The following TRAT1 variants were observed in gnomAD, a reference collection of about 807,000 sequenced individuals.
TRAT1 encodes the protein T cell receptor associated transmembrane adaptor 1.
A neutral mutation model predicts 20.0 loss-of-function variants in TRAT1; 20 were observed. That is an observed-to-expected ratio of 1.00 (90% CI 0.70 to 1.45). The LOEUF (loss-of-function observed/expected upper bound fraction) is 1.45. Ranked by LOEUF, TRAT1 falls within the 40% of genes most tolerant of loss-of-function variation. The pLI, the probability that TRAT1 is intolerant of heterozygous loss-of-function variation, is 0.00. For synonymous variants in TRAT1, 77 were observed against 74.2 expected (o/e 1.04, Z -0.20); for missense variants, 237 against 224.1 (o/e 1.06, Z -0.37).
At chr3:108,851,611 G>A (rs1384565631) in intron 5 of TRAT1, among the ~76,000 whole-genome samples, 2 of 136,860 alleles carry the variant, frequency 1.5e-5, no homozygotes, top group African/African-American at 5.5e-5. Context: ...ACCAATATGT[G>A]AAAGTCCCTC....
At chr3:108,836,412 C>A (rs749766611) in intron 2 of TRAT1, among the ~76,000 whole-genome samples, 1 of 152,124 alleles carries the variant, frequency 6.6e-6, no homozygotes, top group African/African-American at 2.4e-5. Flanking sequence ...AATGTTTTTG[C>A]TGATTTTTTT....
At chr3:108,847,380 A>G (rs1945957095) in intron 4 of TRAT1, 1 of 352,800 alleles carries the variant, frequency 2.8e-6, no homozygotes, top group African/African-American at 2.1e-5. Context: ...TAGTAATGAG[A>G]ATACAGGAAG....
chr3:108,833,904 C>T (rs961821789), intron 2 of TRAT1, among the ~76,000 whole-genome samples: 5 of 151,898 alleles, frequency 3.3e-5, no homozygotes, highest in Admixed American at 6.6e-5. Flanking sequence ...ACCTAGTGGC[C>T]GTGTTGTTTC....
chr3:108,835,569 G>C (rs1321454770), intron 2 of TRAT1, among the ~76,000 whole-genome samples: 4 of 152,114 alleles, frequency 2.6e-5, no homozygotes, highest in African/African-American at 9.7e-5. Context: ...TTCTAGGGAG[G>C]ACTGCAAAAC....
intron 2 of TRAT1, among the ~76,000 whole-genome samples, chr3:108,837,449 T>C (rs1945850492): frequency 6.6e-6 from 1 of 152,256 alleles, no homozygotes; most frequent in African/African-American, 2.4e-5. Context: ...CTAATGTGTC[T>C]TTAACAGTTA....
chr3:108,835,213 C>A, intron 2 of TRAT1, among the ~76,000 whole-genome samples: 1 of 152,164 alleles, frequency 6.6e-6, no homozygotes, highest in African/African-American at 2.4e-5. Context: ...AGAGGAAAAA[C>A]ATAAAAGCAA....
In TRAT1 at chr3:108,843,497, T is replaced by A. The variant is rs182265068; in HGVS notation, c.153-3571T>A. Among the ~76,000 whole-genome samples, 23 of 152,138 alleles carry A rather than the reference T, an allele frequency of 1.5e-4. No individual in the cohort carries two copies. In the Middle Eastern group the frequency reaches 0.017, roughly 112 times the overall value. On this transcript the variant is annotated intron_variant, in intron 3 of 5. Coordinates refer to ENST00000295756, the MANE Select transcript of TRAT1 (RefSeq NM_016388.4). ...GTGAGCCAAGATCACACCACTGCACTCCAACATGGTGACAGAGCAAGACTC... is the reference window on the plus strand; with the variant it reads ...GTGAGCCAAGATCACACCACTGCACACCAACATGGTGACAGAGCAAGACTC...
Position 108,830,673 on chromosome 3 carries a change from T to C in TRAT1, c.11T>C (p.Ile4Thr). MSG[I>T]SGCPFFLWGL... ...GTATGTTTATTTTAATTTCCAGGAA[T>C]CTCTGGGTGCCCCTTTTTCCTCTGG... is the stretch of plus-strand genomic sequence containing the variant. The change falls in exon 2 of 6, where the codon ATC (isoleucine) becomes ACC (threonine). Residue 4 changes from isoleucine to threonine, a missense_variant. Coordinates refer to ENST00000295756, the MANE Select transcript of TRAT1 (RefSeq NM_016388.4). 6.2e-7 allele frequency: 1 copy of C among 1,606,372 alleles called. No homozygotes were observed. Among genetic ancestry groups the C allele is most frequent in the Non-Finnish European group, 8.5e-7 (1 of 1,172,978 alleles).
intron 2 of TRAT1, among the ~76,000 whole-genome samples, chr3:108,838,591 G>T (rs141606488): frequency 6.6e-6 from 1 of 152,146 alleles, no homozygotes; most frequent in Non-Finnish European, 1.5e-5. Context: ...AGGAAGGAAG[G>T]TTCCAGCTCT....
chr3:108,849,628 G>T (rs1030757220), intron 5 of TRAT1, among the ~76,000 whole-genome samples: 1 of 152,198 alleles, frequency 6.6e-6, no homozygotes, highest in African/African-American at 2.4e-5. Context: ...GGGGTAGGGA[G>T]AGGGAGACCT....
intron 3 of TRAT1, among the ~76,000 whole-genome samples, chr3:108,840,516 C>T (rs534937180): frequency 7.0e-6 from 1 of 142,232 alleles, no homozygotes; most frequent in South Asian, 2.3e-4. Flanking sequence ...AGCAATCAGG[C>T]TTTTAGCTGT....
chr3:108,850,014 A>G (rs921241074), intron 5 of TRAT1, among the ~76,000 whole-genome samples: 1 of 152,152 alleles, frequency 6.6e-6, no homozygotes, highest in African/African-American at 2.4e-5. Context: ...TAGAGCCAGC[A>G]TTTCCTAAGC....
intron 1 of TRAT1, among the ~76,000 whole-genome samples, chr3:108,829,785 C>T (rs1597075): frequency 1 from 151,983 of 152,334 alleles, 75,817 homozygotes; most frequent in Non-Finnish European, 1. Context: ...TACTGTGCTG[C>T]CCATTGTAGA....
intron 2 of TRAT1, among the ~76,000 whole-genome samples, chr3:108,838,293 T>C (rs1945856534): frequency 6.6e-6 from 1 of 152,046 alleles, no homozygotes; most frequent in Non-Finnish European, 1.5e-5. Context: ...TTTTATGTTG[T>C]TACTCATGCC....
At chr3:108,829,617 A>AC (rs71103494) in intron 1 of TRAT1, among the ~76,000 whole-genome samples, 3 of 151,186 alleles carry the variant, frequency 2.0e-5, no homozygotes, top group South Asian at 2.1e-4. Flanking sequence ...ACACACACAC[A>AC]ACGTTTTGGT....
At chr3:108,824,161 C>T (rs1013844475) in intron 1 of TRAT1, among the ~76,000 whole-genome samples, 2 of 152,154 alleles carry the variant, frequency 1.3e-5, no homozygotes, top group Admixed American at 6.6e-5. Flanking sequence ...TGAGCCACTG[C>T]GCCCAGCCCT....
chr3:108,828,619 G>A (rs1457934762), intron 1 of TRAT1, among the ~76,000 whole-genome samples: 7 of 152,138 alleles, frequency 4.6e-5, no homozygotes. Flanking sequence ...CCAGTTCATA[G>A]TATCCTTGAA....
intron 5 of TRAT1, among the ~76,000 whole-genome samples, chr3:108,850,360 A>G (rs2107516257): frequency 6.6e-6 from 1 of 150,874 alleles, no homozygotes; most frequent in African/African-American, 2.4e-5. Flanking sequence ...GCTGGAGTGC[A>G]ATGGCACAAT....
intron 3 of TRAT1, 119 bp from the exon 4 acceptor site, chr3:108,846,949 G>T: frequency 1.5e-6 from 1 of 687,940 alleles, no homozygotes. Context: ...TACCGTGGTT[G>T]GCTGGGGGTA....
Sources: allele counts gnomAD v4.1 joint callset (sites outside exome capture counted in the v4.1 genomes callset), GRCh38; gene constraint gnomAD v4.1.1; transcripts MANE v1.5; gene names NCBI Gene and HGNC (gene_info 2026-07-23, HGNC 2026-07-21).